Variants in LARGE1 observed in about 807,000 individuals in gnomAD.
The protein encoded by LARGE1 is xylosyl- and glucuronyltransferase LARGE1.
Under a neutral mutation model 87.6 loss-of-function variants are expected in LARGE1, and 43 were observed. The observed-to-expected ratio is 0.49, with a 90% CI of 0.38 to 0.63. The LOEUF is 0.63. Among genes scored for constraint, LARGE1 ranks in the 30% least tolerant of loss-of-function variants. The pLI is 0.00. For missense variants in LARGE1, 802 were observed against 1,000.2 expected, an observed-to-expected ratio of 0.80 and a Z score of 2.67; for synonymous variants, 434 against 394.6, an observed-to-expected ratio of 1.10 and a Z score of -1.18.
chr22:33,507,659 T>C (rs1048827444), intron 6 of LARGE1, among the ~76,000 whole-genome samples: 1 of 152,204 alleles, frequency 6.6e-6, no homozygotes, highest in African/African-American at 2.4e-5. Context: ...ACAACGTGAA[T>C]GCACTTAATG....
At chr22:33,180,878 G>A (rs1478886934) in intron 11 of LARGE1, among the ~76,000 whole-genome samples, 3 of 152,166 alleles carry the variant, frequency 2.0e-5, no homozygotes, top group Admixed American at 2.0e-4. Context: ...TAGGCAAATC[G>A]AGAGACAAAA....
At chr22:33,822,104 G>C (rs1344503808) in intron 1 of LARGE1, among the ~76,000 whole-genome samples, 1 of 151,880 alleles carries the variant, frequency 6.6e-6, no homozygotes, top group African/African-American at 2.4e-5. Context: ...CCCAACCTTG[G>C]CCTGATGCCT....
At chr22:33,703,355 G>GAAAAAAAAAAAAAA (rs780406393) in intron 2 of LARGE1, among the ~76,000 whole-genome samples, 2 of 86,642 alleles carry the variant, frequency 2.3e-5, no homozygotes, top group South Asian at 3.8e-4. Context: ...AGCCTAAAGT[G>GAAAAAAAAAAAAAA]AAAAAAAAAA....
chr22:33,457,293 CTTTTTTTTTTTTTT>C (rs759460321), intron 6 of LARGE1, among the ~76,000 whole-genome samples: 49 of 74,930 alleles, frequency 6.5e-4, no homozygotes, highest in Admixed American at 1.3e-3. Context: ...ACGCCTGGCT[CTTTTTTTTTTTTTT>C]TTTTTTTTTT....
chr22:33,711,832 TA>T (rs1361606805), intron 2 of LARGE1, among the ~76,000 whole-genome samples: 3 of 152,116 alleles, frequency 2.0e-5, no homozygotes, highest in Non-Finnish European at 2.9e-5. Context: ...TTTATTGTTT[TA>T]TTTTTTTTGC....
At chr22:33,221,379 A>C (rs1214590747) in intron 11 of LARGE1, among the ~76,000 whole-genome samples, 1 of 152,172 alleles carries the variant, frequency 6.6e-6, no homozygotes, top group Non-Finnish European at 1.5e-5. Flanking sequence ...CCACCTGCTG[A>C]GTAAAGGTTG....
chr22:33,652,923 C>A (rs1455996307), intron 2 of LARGE1, among the ~76,000 whole-genome samples: 1 of 152,152 alleles, frequency 6.6e-6, no homozygotes, highest in Non-Finnish European at 1.5e-5. Flanking sequence ...TGCCTGGGAC[C>A]ACAAATCAAA....
intron 11 of LARGE1, among the ~76,000 whole-genome samples, chr22:33,232,264 A>C (rs1926045564): frequency 6.6e-6 from 1 of 152,210 alleles, no homozygotes; most frequent in African/African-American, 2.4e-5. Context: ...CAAAACGCCC[A>C]TGGCGTTTTA....
At chr22:33,785,027 G>A (rs963553714) in intron 1 of LARGE1, among the ~76,000 whole-genome samples, 5 of 149,334 alleles carry the variant, frequency 3.3e-5, no homozygotes, top group African/African-American at 1.2e-4. Flanking sequence ...ATACATATGT[G>A]TATATACATA....
chr22:33,248,621 C>T (rs961583253), intron 11 of LARGE1, among the ~76,000 whole-genome samples: 2 of 152,198 alleles, frequency 1.3e-5, no homozygotes, highest in African/African-American at 4.8e-5. Context: ...GTGGTCCATT[C>T]TGTGGGTCTG....
intron 12 of LARGE1, among the ~76,000 whole-genome samples, chr22:33,285,664 T>C (rs965604599): frequency 7.2e-5 from 11 of 151,986 alleles, no homozygotes; most frequent in African/African-American, 2.4e-4. Context: ...TTGTCCTCCA[T>C]TGCTGTATTA....
intron 6 of LARGE1, among the ~76,000 whole-genome samples, chr22:33,492,906 G>A (rs985796212): frequency 5.3e-5 from 8 of 152,166 alleles, no homozygotes; most frequent in African/African-American, 1.7e-4. Context: ...AATGCGGGCG[G>A]CGGGTGGGCA....
intron 6 of LARGE1, among the ~76,000 whole-genome samples, chr22:33,526,075 T>C (rs2071878879): frequency 6.6e-6 from 1 of 152,154 alleles, no homozygotes; most frequent in Non-Finnish European, 1.5e-5. Flanking sequence ...GTGGTATATA[T>C]CCATAAAGCG....
At chr22:33,674,349 TCTTTA>T in intron 2 of LARGE1, among the ~76,000 whole-genome samples, 1 of 152,140 alleles carries the variant, frequency 6.6e-6, no homozygotes, top group East Asian at 1.9e-4. Context: ...AATCATATAG[TCTTTA>T]CTTGTTTATT....
chr22:33,247,846 G>C (rs1280645155), intron 11 of LARGE1, among the ~76,000 whole-genome samples: 1 of 152,184 alleles, frequency 6.6e-6, no homozygotes, highest in Non-Finnish European at 1.5e-5. Flanking sequence ...GCCTGAAACA[G>C]ATGCCCGTGA....
chr22:33,553,967 G>A (rs923652959), intron 6 of LARGE1, among the ~76,000 whole-genome samples: 5 of 152,096 alleles, frequency 3.3e-5, no homozygotes, highest in Admixed American at 6.5e-5. Flanking sequence ...TGATGGATCC[G>A]TGAGGCTCCT....
At chr22:33,588,396 A>G (rs1469409724) in intron 5 of LARGE1, among the ~76,000 whole-genome samples, 2 of 152,258 alleles carry the variant, frequency 1.3e-5, no homozygotes, top group Non-Finnish European at 2.9e-5. Flanking sequence ...ACTGAGCTCT[A>G]GAAGAAAGAT....
intron 1 of LARGE1, among the ~76,000 whole-genome samples, chr22:33,832,211 C>A (rs2062991867): frequency 6.6e-6 from 1 of 152,180 alleles, no homozygotes; most frequent in Admixed American, 6.5e-5. Flanking sequence ...CTCAAACATG[C>A]AGAGCTCACT....
At chr22:33,543,019 A>G (rs1238893785) in intron 6 of LARGE1, among the ~76,000 whole-genome samples, 1 of 152,148 alleles carries the variant, frequency 6.6e-6, no homozygotes, top group African/African-American at 2.4e-5. Flanking sequence ...CTTCTTTCCT[A>G]CATGTGTGCA....
Sources: allele counts gnomAD v4.1 joint callset (sites outside exome capture counted in the v4.1 genomes callset), GRCh38; gene constraint gnomAD v4.1.1; transcripts MANE v1.5; gene names NCBI Gene and HGNC (gene_info 2026-07-23, HGNC 2026-07-21).